Variants in HTT observed in about 807,000 individuals in gnomAD.
The protein encoded by HTT is huntington disease protein.
A neutral mutation model predicts 362.3 loss-of-function variants in HTT; 104 were observed. The ratio of observed to expected loss-of-function variants is 0.29; its 90% CI spans 0.24 to 0.34. HTT has a LOEUF of 0.34. Ranked by LOEUF, HTT falls within the 10% of genes least tolerant of loss-of-function variation. The pLI is 1.00. For missense variants in HTT, 3,301 were observed against 3,928.6 expected (o/e 0.84, Z 4.27); for synonymous variants, 1,577 against 1,548.7 (o/e 1.02, Z -0.43).
At chr4:3,106,941 A>G (rs1367860231) in intron 5 of HTT, among the ~76,000 whole-genome samples, 3 of 152,166 alleles carry the variant, frequency 2.0e-5, no homozygotes, top group East Asian at 1.9e-4. Context: ...CTCCTTTTTC[A>G]GGAAAGCTTT....
intron 12 of HTT, among the ~76,000 whole-genome samples, chr4:3,127,833 A>G (rs1049592316): frequency 2.0e-5 from 3 of 151,682 alleles, no homozygotes; most frequent in African/African-American, 7.3e-5. Context: ...GCGTGGTGGC[A>G]CATGTCTGTA....
chr4:3,147,932 C>A, intron 25 of HTT, 73 bp from the exon 26 acceptor site: 1 of 1,260,780 alleles, frequency 7.9e-7, no homozygotes, highest in Non-Finnish European at 1.1e-6. Flanking sequence ...TCTTAAATGA[C>A]TTCAGTTCCC....
At chr4:3,107,471 G>A (rs1371784990) in intron 6 of HTT, 48 bp downstream of exon 6, 2 of 1,599,338 alleles carry the variant, frequency 1.3e-6, no homozygotes, top group Non-Finnish European at 1.7e-6. Context: ...TGCTGTGAGT[G>A]AGTCTGTGGA....
intron 29 of HTT, among the ~76,000 whole-genome samples, chr4:3,164,738 G>A (rs1717616458): frequency 6.6e-6 from 1 of 152,114 alleles, no homozygotes; most frequent in Non-Finnish European, 1.5e-5. Context: ...GACTAGGATT[G>A]CAATCCCTGC....
intron 9 of HTT, among the ~76,000 whole-genome samples, chr4:3,122,190 C>T (rs1346593698): frequency 6.6e-6 from 1 of 152,218 alleles, no homozygotes; most frequent in East Asian, 1.9e-4. Context: ...GGCCCTACCC[C>T]ACCATGCAGT....
rs771929252 is a variant in HTT, at chr4:3,215,210, G to C, written c.7053G>C (p.Gln2351His). ...EEEEEVDPNT[Q>H]NPKYITAACE... Reference sequence around the variant, plus strand: ...AGGAGGAAGTAGATCCAAACACACAGAGTAAGTCTCAGGACCCATTTTTTT... The same window carrying C: ...AGGAGGAAGTAGATCCAAACACACACAGTAAGTCTCAGGACCCATTTTTTT... The change falls in exon 51 of 67, where the codon CAG (glutamine) becomes CAC (histidine). Residue 2351 changes from glutamine to histidine, a missense_variant and splice_region_variant. Coordinates refer to ENST00000355072, the MANE Select transcript of HTT (RefSeq NM_001388492.1). The C allele has an allele frequency of 6.2e-7, 1 of 1,611,618 alleles. No individual in the cohort carries two copies. Among genetic ancestry groups the C allele is most frequent in the Admixed American group, 1.7e-5 (1 of 59,974 alleles).
At chr4:3,089,170 AG>A (rs1186300093) in intron 2 of HTT, among the ~76,000 whole-genome samples, 9 of 152,212 alleles carry the variant, frequency 5.9e-5, no homozygotes, top group Admixed American at 5.9e-4. Flanking sequence ...ACTGTGAAAA[AG>A]CAACTGCATA....
intron 21 of HTT, among the ~76,000 whole-genome samples, chr4:3,139,138 G>A (rs1161583182): frequency 6.6e-6 from 1 of 151,994 alleles, no homozygotes; most frequent in African/African-American, 2.4e-5. Flanking sequence ...AGGTTTATAT[G>A]ACTTGCCTAT....
intron 5 of HTT, among the ~76,000 whole-genome samples, chr4:3,106,481 C>T (rs1197353065): frequency 1.3e-5 from 2 of 152,164 alleles, no homozygotes; most frequent in African/African-American, 4.8e-5. Flanking sequence ...TCTGAAGCAA[C>T]ACATCCAGGT....
At chr4:3,123,166 A>T in intron 10 of HTT, 1 of 392,208 alleles carries the variant, frequency 2.5e-6, no homozygotes, top group Non-Finnish European at 4.5e-6. Flanking sequence ...CTTTGTCATA[A>T]ATTTTGAACG....
In HTT at chr4:3,206,522, C is replaced by T; in HGVS notation, c.5745C>T (p.His1915=). The T allele has an allele frequency of 6.2e-7, 1 of 1,614,080 alleles. No homozygotes were observed. The highest frequency in any genetic ancestry group is 8.5e-7 in the Non-Finnish European group (1 of 1,179,914). Residue 1915 remains histidine, a synonymous_variant, in exon 43 of 67, where the codon CAC becomes CAT. Transcript: ENST00000355072. This position sits in a 1 kb window ranked among gnomAD's most constrained non-coding sequence, Gnocchi z 4.6. ...YVCQNLHDSE[H]LTWLIVNHIQ... ...GTCAGAACCTCCATGACTCCGAGCA[C>T]TTAACGTGGCTCATTGTAAATCACA...
Position 3,240,389 on chromosome 4 carries a change from C to G in HTT, c.*330C>G, listed in dbSNP as rs1188950206. 3 of 375,744 alleles carry G rather than the reference C, an allele frequency of 8.0e-6. No individual in the cohort carries two copies. Among genetic ancestry groups the G allele is most frequent in the East Asian group, 1.2e-4 (2 of 16,348 alleles). 23.3% of individuals were successfully genotyped at this position (375,744 alleles called of 1,614,324 possible). A position where few individuals can be genotyped will look rare whatever the true frequency, so the allele number is the denominator to read the frequency against. On this transcript the variant is annotated 3_prime_UTR_variant, in exon 67 of 67. Transcript: ENST00000355072. The stretch of plus-strand genomic sequence containing the variant: ...TGCCAGGTTGCAGCTGCTCTTGCAT[C>G]TGGGCCAGAAGTCCTCCCTCCTGCA...
chr4:3,149,634 T>C (rs61792533), intron 26 of HTT, among the ~76,000 whole-genome samples: 11,142 of 152,150 alleles, frequency 0.073, 557 homozygotes, highest in African/African-American at 0.15. Flanking sequence ...ACTTACTGTT[T>C]ATATCTGATT....
At chr4:3,201,322 A>G (rs2110263661) in intron 41 of HTT, among the ~76,000 whole-genome samples, 1 of 152,324 alleles carries the variant, frequency 6.6e-6, no homozygotes. Flanking sequence ...TGAGGCCAGG[A>G]CTTCGAGACC....
chr4:3,227,214 A>T (rs1268196277), intron 57 of HTT, among the ~76,000 whole-genome samples: 1 of 146,228 alleles, frequency 6.8e-6, no homozygotes, highest in Non-Finnish European at 1.5e-5. Context: ...GTACGGTCCC[A>T]CCCCTGCCCT....
intron 53 of HTT, among the ~76,000 whole-genome samples, chr4:3,220,625 G>A (rs751172872): frequency 6.6e-6 from 1 of 152,120 alleles, no homozygotes; most frequent in Non-Finnish European, 1.5e-5. Context: ...AGGCTAAACA[G>A]TGGCAGCACT....
chr4:3,113,205 G>A (rs1714851314), intron 6 of HTT, among the ~76,000 whole-genome samples: 1 of 152,142 alleles, frequency 6.6e-6, no homozygotes, highest in Admixed American at 6.5e-5. Context: ...ACCTGAGGAG[G>A]CCCCTTGGAG....
chr4:3,106,515 C>A (rs1037081261), intron 5 of HTT, among the ~76,000 whole-genome samples: 3 of 152,164 alleles, frequency 2.0e-5, no homozygotes, highest in African/African-American at 7.2e-5. Flanking sequence ...GCCAAAGTGA[C>A]CTTAAAGAAT....
rs372358763 is a variant in HTT, at chr4:3,131,326, A to G, written c.2027A>G (p.Asp676Gly). 9.9e-6 allele frequency: 16 copies of G among 1,614,086 alleles called. No homozygotes were observed. The highest frequency in any genetic ancestry group is 1.7e-5 in the Admixed American group (1 of 60,020). The change falls in exon 15 of 67, where the codon GAT becomes GGT. Residue 676 changes from aspartate to glycine, a missense_variant. Asp to Gly is a moderately conservative substitution (Grantham distance 94). Around this residue, in one of 4 missense-constraint regions of HTT, gnomAD observed 2,316 missense variants for 2,658.5 expected, o/e 0.87. Transcript: ENST00000355072. ...IKGDIGQSTD[D>G]DSAPLVHCVR... ...GGTGACATTGGACAGTCCACTGATG[A>G]TGACTCTGCACCTCTTGTCCATTGT...
Sources: allele counts gnomAD v4.1 joint callset (sites outside exome capture counted in the v4.1 genomes callset), GRCh38; gene constraint gnomAD v4.1.1; regional missense constraint gnomAD v4.1.1; non-coding constraint Gnocchi (gnomAD v3.1); transcripts MANE v1.5; gene names NCBI Gene and HGNC (gene_info 2026-07-23, HGNC 2026-07-21).